Variants in KIAA1217 observed in about 807,000 individuals in gnomAD.
KIAA1217 encodes sickle tail protein homolog.
KIAA1217 carries 88 observed loss-of-function variants against 163.9 expected under a neutral mutation model. The observed-to-expected ratio is 0.54, with a 90% CI of 0.45 to 0.64. The LOEUF (loss-of-function observed/expected upper bound fraction) is 0.64, where lower values mean the gene tolerates loss of function less well. Among genes scored for constraint, KIAA1217 ranks in the 30% least tolerant of loss-of-function variants. KIAA1217 has a pLI of 0.00. For synonymous variants in KIAA1217, 903 were observed against 923.1 expected (o/e 0.98, Z 0.39); for missense variants, 2,372 against 2,475.0 (o/e 0.96, Z 0.88).
chr10:24,448,288 A>G (rs2061129013), intron 5 of KIAA1217, among the ~76,000 whole-genome samples: 1 of 152,158 alleles, frequency 6.6e-6, no homozygotes, highest in South Asian at 2.1e-4. Flanking sequence ...CACCTGTGGT[A>G]GAACGTAAAC....
intron 6 of KIAA1217, among the ~76,000 whole-genome samples, chr10:24,494,018 G>A (rs1276830404): frequency 6.6e-6 from 1 of 152,152 alleles, no homozygotes; most frequent in Non-Finnish European, 1.5e-5. Context: ...TTGCCCCTAA[G>A]CTGTGACACA....
intron 1 of KIAA1217, among the ~76,000 whole-genome samples, chr10:23,984,017 A>T (rs1845872944): frequency 6.6e-6 from 1 of 152,250 alleles, no homozygotes; most frequent in Non-Finnish European, 1.5e-5. Context: ...GAAAAGGTTA[A>T]GACTGGGAGG....
chr10:24,483,362 C>T (rs536733167), intron 6 of KIAA1217, among the ~76,000 whole-genome samples: 1 of 152,258 alleles, frequency 6.6e-6, no homozygotes, highest in South Asian at 2.1e-4. Flanking sequence ...TCAGTCCCTG[C>T]CCACCTTCCG....
At chr10:23,827,836 G>A (rs1259944751) in intron 1 of KIAA1217, among the ~76,000 whole-genome samples, 1 of 152,178 alleles carries the variant, frequency 6.6e-6, no homozygotes, top group Non-Finnish European at 1.5e-5. Flanking sequence ...AAAGACAAAT[G>A]AAGAGGGCTG....
chr10:24,345,606 A>T (rs528444212), intron 2 of KIAA1217, among the ~76,000 whole-genome samples: 122 of 152,340 alleles, frequency 8.0e-4, no homozygotes, highest in Non-Finnish European at 1.4e-3. Flanking sequence ...ACTGTGACTA[A>T]ATATACAGGC....
chr10:24,304,127 A>G (rs1290411421), intron 2 of KIAA1217, among the ~76,000 whole-genome samples: 1 of 105,614 alleles, frequency 9.5e-6, no homozygotes, highest in East Asian at 3.0e-4. Flanking sequence ...TGAATCCTCC[A>G]CATTTTTTTT....
intron 5 of KIAA1217, among the ~76,000 whole-genome samples, chr10:24,455,817 G>A (rs373024710): frequency 6.6e-6 from 1 of 152,152 alleles, no homozygotes; most frequent in East Asian, 1.9e-4. Context: ...AAATGAATTG[G>A]GAGTCTTTTA....
chr10:24,240,439 C>T (rs1380980223), intron 2 of KIAA1217, among the ~76,000 whole-genome samples: 1 of 152,166 alleles, frequency 6.6e-6, no homozygotes, highest in Non-Finnish European at 1.5e-5. Flanking sequence ...AATGAGACCT[C>T]CTGAAATTTT....
chr10:24,208,052 T>C (rs2067661055), upstream of KIAA1217, among the ~76,000 whole-genome samples: 1 of 152,006 alleles, frequency 6.6e-6, no homozygotes, highest in Admixed American at 6.6e-5. Flanking sequence ...CTCTTCCTCC[T>C]AGCTACTGTG....
chr10:24,208,927 G>A (rs2067727406), upstream of KIAA1217: 1 of 384,526 alleles, frequency 2.6e-6, no homozygotes, highest in East Asian at 5.1e-5. Flanking sequence ...TCCCCGGAGA[G>A]CGCGCCTGAG....
rs918364919 is a variant in KIAA1217 at position 24,166,388 on chromosome 10, G to A, written c.-170-53238G>A. ...ATATACACTTAGATAAAAAAAATAA[G>A]ATCTGGTGTTCAATAGATCAGTAGG... On this transcript the variant is annotated intron_variant, in intron 2 of 18. Transcript: ENST00000376462. Among the ~76,000 whole-genome samples the A allele has an allele frequency of 2.6e-5, 4 of 152,120 alleles. No homozygotes were observed. The South Asian group carries it at 8.3e-4, about 32-fold the overall frequency.
At chr10:23,759,864 T>A (rs1432030481) in intron 1 of KIAA1217, among the ~76,000 whole-genome samples, 1 of 152,182 alleles carries the variant, frequency 6.6e-6, no homozygotes, top group African/African-American at 2.4e-5. Flanking sequence ...AAGTTTCAGT[T>A]TGTTTCTATA....
At chr10:24,378,635 C>CT (rs35109271) in intron 2 of KIAA1217, among the ~76,000 whole-genome samples, 69,492 of 149,426 alleles carry the variant, frequency 0.47, 17,132 homozygotes, top group African/African-American at 0.64. Context: ...GCTATTTTGA[C>CT]TTTTTTTTTT....
intron 1 of KIAA1217, among the ~76,000 whole-genome samples, chr10:23,705,027 G>A (rs1202676876): frequency 6.6e-6 from 1 of 152,060 alleles, no homozygotes; most frequent in Non-Finnish European, 1.5e-5. Context: ...GTTTTGACTT[G>A]CATTTCGCTA....
chr10:23,846,799 CCTTGT>C (rs1332212608), intron 1 of KIAA1217, among the ~76,000 whole-genome samples: 1 of 152,102 alleles, frequency 6.6e-6, no homozygotes, highest in Non-Finnish European at 1.5e-5. Context: ...GAGAGGTCAT[CCTTGT>C]CTTGTGCCGG....
Position 24,501,432 on chromosome 10 carries a change from C to T in KIAA1217, c.1888C>T (p.Pro630Ser). The T allele has an allele frequency of 6.2e-7, 1 of 1,614,044 alleles. No homozygotes were observed. ...GCTCAGTGCTCTGGAGTCCACGGTG[C>T]CTCCCAGCCAGCCTCCACCTGTGGG... Reference protein sequence around the residue: ...KMLSALESTVPPSQPPPVGTS... With the variant: ...KMLSALESTVSPSQPPPVGTS... The change falls in exon 9 of 21, where the codon CCT (proline) becomes TCT (serine). Residue 630 changes from proline (P) to serine (S), a missense_variant. By Grantham distance (74) the Pro-to-Ser change is moderately conservative. Around this residue, in one of 3 missense-constraint regions of KIAA1217, gnomAD observed 1,431 missense variants for 1,470.3 expected, o/e 0.97. Transcript: ENST00000376454.
chr10:23,889,729 G>GT lies in KIAA1217; in HGVS notation c.-320-117490dup, dbSNP rs555574972. Among the ~76,000 whole-genome samples, 819 of 151,700 alleles carry GT rather than the reference G, an allele frequency of 5.4e-3. 9 individuals carry two copies. The highest frequency in any genetic ancestry group is 0.018 in the African/African-American group (761 of 41,432). Reference sequence around the variant, plus strand: ...ATGGCTAGTGTTTTCATTTTGTATTGTTTTTTCTCCTAGGAATCAATGACC... The same window carrying GT: ...ATGGCTAGTGTTTTCATTTTGTATTGTTTTTTTCTCCTAGGAATCAATGACC... On this transcript the variant is annotated intron_variant, in intron 1 of 18. Coordinates refer to the KIAA1217 transcript ENST00000376462.
intron 2 of KIAA1217, chr10:24,255,106 C>T (rs778878483): frequency 4.7e-4 from 72 of 153,916 alleles, no homozygotes; most frequent in Non-Finnish European, 6.9e-4. Flanking sequence ...CCACCTCCCT[C>T]GGCTTCCCAG....
intron 1 of KIAA1217, among the ~76,000 whole-genome samples, chr10:23,942,438 T>C (rs1843818505): frequency 6.6e-6 from 1 of 152,202 alleles, no homozygotes; most frequent in Non-Finnish European, 1.5e-5. Context: ...GCTTCACAGA[T>C]TGAAACAGAA....
Sources: allele counts gnomAD v4.1 joint callset (sites outside exome capture counted in the v4.1 genomes callset), GRCh38; gene constraint gnomAD v4.1.1; regional missense constraint gnomAD v4.1.1; transcripts MANE v1.5; gene names NCBI Gene and HGNC (gene_info 2026-07-23, HGNC 2026-07-21).